FAM53B: variants seen among roughly 807,000 people sequenced by gnomAD.
The protein encoded by FAM53B is family with sequence similarity 53 member B.
In FAM53B, 12 loss-of-function variants were observed where a neutral mutation model predicts 32.7. That is an observed-to-expected ratio of 0.37 (90% CI 0.24 to 0.59). The LOEUF (loss-of-function observed/expected upper bound fraction) is 0.59, where lower values mean the gene tolerates loss of function less well. Among genes scored for constraint, FAM53B ranks in the 20% least tolerant of loss-of-function variants. The pLI, the probability that FAM53B is intolerant of heterozygous loss-of-function variation, is 0.72. For synonymous variants in FAM53B, 234 were observed against 228.7 expected (o/e 1.02, Z -0.21); for missense variants, 477 against 577.7 (o/e 0.83, Z 1.79).
At chr10:124,721,126 C>T (rs1036694427) in intron 1 of FAM53B, among the ~76,000 whole-genome samples, 6 of 152,194 alleles carry the variant, frequency 3.9e-5, no homozygotes, top group African/African-American at 7.2e-5. Flanking sequence ...CGCTTGAGTC[C>T]GAGAAGCGGA....
Position 124,733,674 on chromosome 10 carries a change from G to A in FAM53B, c.-175+10339C>T, listed in dbSNP as rs1382141821. Among the ~76,000 whole-genome samples the A allele has an allele frequency of 1.3e-5, 2 of 152,208 alleles. No individual in the cohort carries two copies. The highest frequency in any genetic ancestry group is 4.8e-5 in the African/African-American group (2 of 41,454). On this transcript the variant is annotated intron_variant, in intron 1 of 4. Transcript: ENST00000337318. The surrounding 1 kb of genome is among the most constrained non-coding windows in gnomAD (Gnocchi z 4.3). ...GGCGCCTGCTAAATGCGAGAGTTTT[G>A]TCTAAAAATAAACAAAGACCACATC...
At chr10:124,730,165 A>G (rs1467760986) in intron 1 of FAM53B, among the ~76,000 whole-genome samples, 1 of 152,244 alleles carries the variant, frequency 6.6e-6, no homozygotes, top group Non-Finnish European at 1.5e-5. Context: ...TGGTCATTTC[A>G]TCAGACCATG....
intron 1 of FAM53B, among the ~76,000 whole-genome samples, chr10:124,712,026 C>T (rs145148463): frequency 5.1e-4 from 78 of 152,296 alleles, no homozygotes; most frequent in Middle Eastern, 3.4e-3. Flanking sequence ...TGCTACTGCA[C>T]TCCAGCCTGG....
chr10:124,690,498 CCT>C (rs1949826722), intron 3 of FAM53B, among the ~76,000 whole-genome samples: 1 of 152,234 alleles, frequency 6.6e-6, no homozygotes, highest in Admixed American at 6.5e-5. Context: ...GTGGCCATTC[CCT>C]GTCCTCTGGC....
At chr10:124,723,733 A>G (rs1950084306) in intron 1 of FAM53B, among the ~76,000 whole-genome samples, 1 of 152,198 alleles carries the variant, frequency 6.6e-6, no homozygotes, top group South Asian at 2.1e-4. Flanking sequence ...GAGCCTGGAC[A>G]GCCCAGGCCT....
rs930351298 is a variant in FAM53B, at chr10:124,619,614, T to A, written c.*3628A>T. The A allele has an allele frequency of 6.6e-6, 1 of 151,480 alleles. No individual in the cohort carries two copies. Among genetic ancestry groups the A allele is most frequent in the South Asian group, 2.1e-4 (1 of 4,794 alleles). 9.4% of individuals were successfully genotyped at this position (151,480 alleles called of 1,614,324 possible). ...AAAAGACTATGCTAGAAGGTCAGAC[T>A]ATCCTATCTAGGCTACAAGATCTCC... On this transcript the variant is annotated 3_prime_UTR_variant, in exon 5 of 5. Coordinates refer to ENST00000337318, the MANE Select transcript of FAM53B (RefSeq NM_014661.4).
intron 3 of FAM53B, among the ~76,000 whole-genome samples, chr10:124,690,959 A>G (rs977111108): frequency 6.6e-6 from 1 of 152,208 alleles, no homozygotes; most frequent in African/African-American, 2.4e-5. Flanking sequence ...CAGAGACCAA[A>G]AATTGGGCCT....
chr10:124,681,743 G>A lies in FAM53B; in HGVS notation c.770C>T (p.Ala257Val), dbSNP rs572365285. The change falls in exon 4 of 5, where the codon GCG becomes GTG. Residue 257 changes from alanine to valine, a missense_variant. Ala to Val is a moderately conservative substitution (Grantham distance 64). Around this residue, in one of 2 missense-constraint regions of FAM53B, gnomAD observed 312 missense variants for 420.2 expected, o/e 0.74. Transcript: ENST00000337318. ...GCGGGAAAGGCCGCTGGAGCGTCTCGCCAGCTCTGGTGTTGAGGCAGGTGT... is the reference window on the plus strand; with the variant it reads ...GCGGGAAAGGCCGCTGGAGCGTCTCACCAGCTCTGGTGTTGAGGCAGGTGT... Reference protein sequence around the residue: ...NSTPASTPELARRSSGLSRSR... With the variant: ...NSTPASTPELVRRSSGLSRSR... The A allele has an allele frequency of 5.5e-5, 89 of 1,609,534 alleles. No homozygotes were observed. The highest frequency in any genetic ancestry group is 1.7e-4 in the South Asian group (15 of 90,248).
At chr10:124,658,873 C>T (rs557447831) in intron 4 of FAM53B, among the ~76,000 whole-genome samples, 12 of 152,348 alleles carry the variant, frequency 7.9e-5, no homozygotes, top group African/African-American at 2.6e-4. Flanking sequence ...CCCTGTGCCC[C>T]CACTGAGGCT....
chr10:124,642,531 G>A (rs920700206), intron 4 of FAM53B, among the ~76,000 whole-genome samples: 2 of 152,242 alleles, frequency 1.3e-5, no homozygotes, highest in Admixed American at 1.3e-4. Flanking sequence ...TGGGTGCTCA[G>A]GCTGGCTTGC....
rs1057103 is a variant in FAM53B at position 124,620,364 on chromosome 10, A to C, written c.*2878T>G. On this transcript the variant is annotated 3_prime_UTR_variant, in exon 5 of 5. Transcript: ENST00000337318. ...GTGCATGTGGCACTAAGCCCCCCCC[A>C]CCGCCCCGGCTTTCCTGCAGGCTTA... The C allele has an allele frequency of 0.49, 63,475 of 130,728 alleles. 17,566 individuals are homozygous for C. The highest frequency in any genetic ancestry group is 0.65 in the African/African-American group (22,958 of 35,160). 8.1% of individuals were successfully genotyped at this position (130,728 alleles called of 1,614,324 possible).
rs757405312 is a variant in FAM53B at position 124,682,276 on chromosome 10, C to T, written c.237G>A (p.Trp79Ter). ...ECLPEKDSSL[W>*]HREAVTACAV... ...CGCAGGCGGTCACTGCCTCCCGGTG[C>T]CATAGTGAGCTGTCCTTTTCAGGCA... Residue 79 changes from tryptophan to a stop codon, truncating the protein, a stop_gained, in exon 4 of 5, where the codon TGG (tryptophan) becomes TGA (stop). Coordinates refer to ENST00000337318, the MANE Select transcript of FAM53B (RefSeq NM_014661.4). LOFTEE classifies it high-confidence loss of function. This position sits in a 1 kb window ranked among gnomAD's most constrained non-coding sequence, Gnocchi z 5.2. 1 of 1,613,874 alleles carries T rather than the reference C, an allele frequency of 6.2e-7. No homozygotes were observed. Among genetic ancestry groups the T allele is most frequent in the Admixed American group, 1.7e-5 (1 of 59,998 alleles).
At chr10:124,665,855 G>A (rs188802455) in intron 4 of FAM53B, among the ~76,000 whole-genome samples, 1 of 152,328 alleles carries the variant, frequency 6.6e-6, no homozygotes, top group East Asian at 1.9e-4. Flanking sequence ...GATTAATCTA[G>A]AATTGAATCT....
At chr10:124,719,115 C>T (rs2134094806) in intron 1 of FAM53B, among the ~76,000 whole-genome samples, 1 of 152,194 alleles carries the variant, frequency 6.6e-6, no homozygotes, top group South Asian at 2.1e-4. Context: ...TAATTCAAAG[C>T]TAAGTCCAGG....
At chr10:124,706,501 G>A (rs1300090977) in intron 2 of FAM53B, 135 bp downstream of exon 2, 10 of 1,048,382 alleles carry the variant, frequency 9.5e-6, no homozygotes, top group East Asian at 4.8e-5. Flanking sequence ...GCCCCAGCCC[G>A]GGACGCCTCA....
chr10:124,666,959 T>C (rs1949676618), intron 4 of FAM53B, among the ~76,000 whole-genome samples: 1 of 152,166 alleles, frequency 6.6e-6, no homozygotes, highest in South Asian at 2.1e-4. Context: ...GCCCCTCCTT[T>C]ACCAGCTGGC....
intron 1 of FAM53B, among the ~76,000 whole-genome samples, chr10:124,722,744 T>C (rs964581233): frequency 6.6e-6 from 1 of 152,212 alleles, no homozygotes; most frequent in Non-Finnish European, 1.5e-5. Context: ...CACATGCATA[T>C]GGAATATCTC....
chr10:124,646,870 A>T (rs1949518829), intron 4 of FAM53B, among the ~76,000 whole-genome samples: 1 of 152,224 alleles, frequency 6.6e-6, no homozygotes. Flanking sequence ...AGGCAAGCAA[A>T]CAGGCAAATG....
intron 3 of FAM53B, among the ~76,000 whole-genome samples, chr10:124,685,603 G>A (rs1396753236): frequency 6.6e-6 from 1 of 152,224 alleles, no homozygotes; most frequent in East Asian, 1.9e-4. Flanking sequence ...GTCTCCGCCA[G>A]GCCTCGGGGA....
Sources: gnomAD v4.1 joint callset for allele counts (sites outside exome capture counted in the v4.1 genomes callset) on GRCh38, gnomAD v4.1.1 for gene constraint, gnomAD v4.1.1 regional missense constraint, Gnocchi (gnomAD v3.1) non-coding constraint, MANE v1.5 for transcripts, NCBI Gene and HGNC (gene_info 2026-07-23, HGNC 2026-07-21) for gene names.